Variants in LRRC7 observed in about 807,000 individuals in gnomAD.
LRRC7 encodes leucine rich repeat containing 7.
In LRRC7, 23 loss-of-function variants were observed where a neutral mutation model predicts 175.7. That is an observed-to-expected ratio of 0.13 (90% CI 0.09 to 0.19). The LOEUF is 0.19. Among genes scored for constraint, LRRC7 ranks in the 10% least tolerant of loss-of-function variants. The pLI is 1.00. For synonymous variants in LRRC7, 685 were observed against 680.9 expected (o/e 1.01, Z -0.09); for missense variants, 1,354 against 1,904.7 (o/e 0.71, Z 5.38).
At chr1:69,610,225 C>T (rs1305836438) in intron 1 of LRRC7, among the ~76,000 whole-genome samples, 1 of 151,994 alleles carries the variant, frequency 6.6e-6, no homozygotes, top group Non-Finnish European at 1.5e-5. Context: ...TTGACTAATC[C>T]TTCACTGTAG....
chr1:69,669,072 C>G (rs1362945201), intron 1 of LRRC7, among the ~76,000 whole-genome samples: 2 of 152,040 alleles, frequency 1.3e-5, no homozygotes, highest in African/African-American at 4.8e-5. Flanking sequence ...ATTGGTCCAT[C>G]CTTTAGTCTC....
intron 3 of LRRC7, among the ~76,000 whole-genome samples, chr1:69,770,383 A>G (rs566397149): frequency 6.6e-6 from 1 of 152,338 alleles, no homozygotes; most frequent in South Asian, 2.1e-4. Flanking sequence ...TTTGAAAACA[A>G]GGACACTTAT....
chr1:70,092,625 A>C (rs1366657019), intron 25 of LRRC7, among the ~76,000 whole-genome samples: 1 of 152,144 alleles, frequency 6.6e-6, no homozygotes, highest in Non-Finnish European at 1.5e-5. Flanking sequence ...GATAGCATCC[A>C]AAACGATTAC....
chr1:69,709,456 G>C (rs1664467929), intron 2 of LRRC7, among the ~76,000 whole-genome samples: 1 of 152,148 alleles, frequency 6.6e-6, no homozygotes, highest in Non-Finnish European at 1.5e-5. Flanking sequence ...TATGTACTAG[G>C]GGAGAAAAAT....
rs118027299 is a variant in LRRC7 at position 69,619,353 on chromosome 1, C to T, written c.2+50712C>T. 1.1e-3 allele frequency among the ~76,000 whole-genome samples: 164 copies of T among 152,252 alleles called. 5 individuals are homozygous for T. In the East Asian group the frequency reaches 0.028, roughly 26 times the overall value. On this transcript the variant is annotated intron_variant, in intron 1 of 26. Transcript: ENST00000651989. ...AAAGCAGTGGCATCAAACTGTAATA[C>T]TAGTACTTCTGTTCTTCACTGCAGC...
At chr1:69,930,878 A>C (rs182054215) in intron 7 of LRRC7, among the ~76,000 whole-genome samples, 1 of 149,754 alleles carries the variant, frequency 6.7e-6, no homozygotes, top group Non-Finnish European at 1.5e-5. Flanking sequence ...AGAACAGCAT[A>C]GGAGAAACCA....
chr1:70,102,844 A>G (rs1199639202), intron 25 of LRRC7, among the ~76,000 whole-genome samples: 3 of 152,140 alleles, frequency 2.0e-5, no homozygotes, highest in Admixed American at 6.5e-5. Context: ...AAGGTCACCA[A>G]TTGTAAATGG....
At chr1:69,775,461 T>C (rs1157783648) in intron 3 of LRRC7, among the ~76,000 whole-genome samples, 1 of 152,220 alleles carries the variant, frequency 6.6e-6, no homozygotes, top group Non-Finnish European at 1.5e-5. Flanking sequence ...ATGCCCTCTC[T>C]GATTTAGAAC....
intron 20 of LRRC7, among the ~76,000 whole-genome samples, chr1:70,037,753 A>C (rs1416757784): frequency 1.3e-5 from 2 of 152,224 alleles, no homozygotes; most frequent in African/African-American, 4.8e-5. Context: ...TTCCTTCAAC[A>C]AATGTGTATT....
chr1:69,649,852 GAA>G (rs35032125), intron 1 of LRRC7, among the ~76,000 whole-genome samples: 3 of 147,056 alleles, frequency 2.0e-5, no homozygotes, highest in Non-Finnish European at 3.0e-5. Context: ...CAAAGTGATT[GAA>G]AAAAAAAAAC....
intron 1 of LRRC7, among the ~76,000 whole-genome samples, chr1:69,663,090 T>C (rs996928260): frequency 1.3e-5 from 2 of 152,206 alleles, no homozygotes; most frequent in African/African-American, 4.8e-5. Context: ...AACAATAAGA[T>C]AGAAATCTTA....
chr1:69,886,656 C>T (rs1328969888), intron 7 of LRRC7, among the ~76,000 whole-genome samples: 1 of 147,194 alleles, frequency 6.8e-6, no homozygotes, highest in African/African-American at 2.6e-5. Flanking sequence ...TTGATCCTGT[C>T]ATTATGATGT....
intron 8 of LRRC7, among the ~76,000 whole-genome samples, chr1:69,939,243 G>A (rs1227958689): frequency 6.6e-6 from 1 of 151,670 alleles, no homozygotes; most frequent in Non-Finnish European, 1.5e-5. Context: ...AACTGAAGGA[G>A]CAAAGGGGGG....
chr1:69,803,078 AG>A (rs1676708153), intron 4 of LRRC7, among the ~76,000 whole-genome samples: 1 of 151,374 alleles, frequency 6.6e-6, no homozygotes, highest in East Asian at 1.9e-4. Context: ...ATATACAAAA[AG>A]CTTTTCCCCA....
chr1:69,971,086 G>T (rs952406521), intron 8 of LRRC7, among the ~76,000 whole-genome samples: 8 of 152,020 alleles, frequency 5.3e-5, no homozygotes, highest in Admixed American at 6.6e-5. Context: ...CATCGTTTTT[G>T]ATTAAAACTC....
intron 2 of LRRC7, among the ~76,000 whole-genome samples, chr1:69,731,381 C>T (rs1027781562): frequency 2.6e-5 from 4 of 152,050 alleles, no homozygotes; most frequent in African/African-American, 9.7e-5. Context: ...GATTCAATTA[C>T]CTCCCACCAG....
intron 1 of LRRC7, among the ~76,000 whole-genome samples, chr1:69,634,325 G>A (rs1369347577): frequency 6.6e-6 from 1 of 152,074 alleles, no homozygotes; most frequent in East Asian, 1.9e-4. Flanking sequence ...AAGCTATATT[G>A]TCATCTAATT....
intron 1 of LRRC7, among the ~76,000 whole-genome samples, chr1:69,622,659 TG>T (rs1374957122): frequency 2.0e-5 from 3 of 152,028 alleles, no homozygotes; most frequent in African/African-American, 7.3e-5. Context: ...ACCTTGAGGG[TG>T]GTGGTGGTTA....
At chr1:69,578,199 C>T (rs1234917114) in intron 1 of LRRC7, among the ~76,000 whole-genome samples, 1 of 151,360 alleles carries the variant, frequency 6.6e-6, no homozygotes, top group African/African-American at 2.4e-5. Flanking sequence ...AAATGCTCAC[C>T]ATCACTGGCC....
Sources: gnomAD v4.1 joint callset for allele counts (sites outside exome capture counted in the v4.1 genomes callset) on GRCh38, gnomAD v4.1.1 for gene constraint, MANE v1.5 for transcripts, NCBI Gene and HGNC (gene_info 2026-07-23, HGNC 2026-07-21) for gene names.